MTUS1: variants seen among roughly 807,000 people sequenced by gnomAD.
MTUS1 encodes microtubule-associated tumor suppressor 1.
MTUS1 carries 109 observed loss-of-function variants against 120.8 expected under a neutral mutation model. That is an observed-to-expected ratio of 0.90 (90% CI 0.77 to 1.06). MTUS1 has a LOEUF of 1.06. Among genes scored for constraint, MTUS1 ranks in the 50% least tolerant of loss-of-function variants. The probability of loss-of-function intolerance (pLI) is 0.00; values close to 1 mark genes in which losing one functional copy is unlikely to be tolerated. For missense variants in MTUS1, 2,210 were observed against 1,486.3 expected (o/e 1.49, Z -8.01); for synonymous variants, 737 against 550.5 (o/e 1.34, Z -4.74).
intron 7 of MTUS1, among the ~76,000 whole-genome samples, chr8:17,681,354 C>G (rs878927547): frequency 6.6e-6 from 1 of 152,050 alleles, no homozygotes; most frequent in Non-Finnish European, 1.5e-5. Context: ...GGACAGCAAC[C>G]CAGTAATGAT....
At chr8:17,756,655 CAT>C (rs202049548) in intron 1 of MTUS1, among the ~76,000 whole-genome samples, 2,005 of 131,758 alleles carry the variant, frequency 0.015, 79 homozygotes, top group African/African-American at 0.053. Context: ...CTCTCCAATT[CAT>C]ATGTCAAGCC....
intron 8 of MTUS1, among the ~76,000 whole-genome samples, chr8:17,659,277 G>A (rs2130360085): frequency 6.6e-6 from 1 of 152,204 alleles, no homozygotes; most frequent in East Asian, 1.9e-4. Context: ...ACAGACAGAG[G>A]AGAAGTGGCA....
chr8:17,780,557 T>C (rs1287886256), intron 1 of MTUS1, among the ~76,000 whole-genome samples: 1 of 151,976 alleles, frequency 6.6e-6, no homozygotes, highest in Non-Finnish European at 1.5e-5. Flanking sequence ...GAGTCAGCAA[T>C]AATCTGCCTC....
chr8:17,755,152 C>T lies in MTUS1; in HGVS notation c.656G>A (p.Arg219Lys). The T allele has an allele frequency of 6.2e-7, 1 of 1,614,138 alleles. No individual in the cohort carries two copies. The highest frequency in any genetic ancestry group is 8.5e-7 in the Non-Finnish European group (1 of 1,180,032). Residue 219 changes from arginine (R) to lysine (K), a missense_variant, in exon 2 of 15, where the codon AGA becomes AAA. Coordinates refer to ENST00000693296, the MANE Select transcript of MTUS1 (RefSeq NM_001363059.2). ...TSSHSDKTHA[R>K]ETTYDRESFE... ...GCTTTCTCTATCATAAGTAGTTTCT[C>T]TTGCATGCGTCTTATCAGAATGGGA... is the stretch of plus-strand genomic sequence containing the variant.
chr8:17,720,639 G>A (rs1047816752), intron 4 of MTUS1, among the ~76,000 whole-genome samples: 1 of 152,064 alleles, frequency 6.6e-6, no homozygotes, highest in Non-Finnish European at 1.5e-5. Context: ...TGCTAACATC[G>A]CAAAGTTATA....
chr8:17,676,182 C>T, intron 7 of MTUS1: 1 of 694,008 alleles, frequency 1.4e-6, no homozygotes, highest in African/African-American at 1.7e-5. Flanking sequence ...GCAAGAGTTG[C>T]TTGTCATTCA....
In MTUS1 at chr8:17,646,146, G is replaced by T. The variant is rs765496430; in HGVS notation, c.3600-7C>A. 5 of 1,579,320 alleles carry T rather than the reference G, an allele frequency of 3.2e-6. No homozygotes were observed. The Admixed American group carries it at 5.4e-5, about 17-fold the overall frequency. ...CTGCTCCGTGGAAAGCTGCCTTGAAGAAAAAGGCCAGAAACCATGAGATCT... is the reference window on the plus strand; with the variant it reads ...CTGCTCCGTGGAAAGCTGCCTTGAATAAAAAGGCCAGAAACCATGAGATCT... On this transcript the variant is annotated splice_polypyrimidine_tract_variant and splice_region_variant and intron_variant, in intron 14 of 14. Coordinates refer to ENST00000693296, the MANE Select transcript of MTUS1 (RefSeq NM_001363059.2).
chr8:17,656,054 T>C lies in MTUS1; in HGVS notation c.2917A>G (p.Thr973Ala), dbSNP rs574301904. The stretch of plus-strand genomic sequence containing the variant: ...GCTTTTTCTAATTTCTCACAGGTGG[T>C]TGAAGCAGTGACTGAAAACAGAGGA... ...NLRGELVTAS[T>A]TCEKLEKARN... Residue 973 changes from threonine to alanine, a missense_variant, in exon 9 of 15, where the codon ACC becomes GCC. Thr to Ala is a moderately conservative substitution (Grantham distance 58, BLOSUM62 0). Coordinates refer to ENST00000693296, the MANE Select transcript of MTUS1 (RefSeq NM_001363059.2). 1.1e-5 allele frequency: 17 copies of C among 1,614,022 alleles called. No homozygotes were observed. Among genetic ancestry groups the C allele is most frequent in the African/African-American group, 9.3e-5 (7 of 74,898 alleles).
chr8:17,734,017 C>A (rs1314325330), intron 3 of MTUS1, among the ~76,000 whole-genome samples: 3 of 152,186 alleles, frequency 2.0e-5, no homozygotes, highest in Non-Finnish European at 4.4e-5. Context: ...ATTAAGCGAA[C>A]TTTGGTATTT....
intron 4 of MTUS1, 161 bp downstream of exon 4, chr8:17,723,511 G>C (rs1157697018): frequency 2.7e-6 from 2 of 733,418 alleles, no homozygotes; most frequent in Non-Finnish European, 4.8e-6. Flanking sequence ...GTTTTTCAAA[G>C]AATTTTTTTT....
chr8:17,755,777 C>A lies in MTUS1; in HGVS notation c.31G>T (p.Glu11Ter). The stretch of plus-strand genomic sequence containing the variant: ...GTAAAGAAGGTTTGCAATTCATCTT[C>A]TATTTTATCATCTGAATTATCATCA... MTDDNSDDKIEDELQTFFTSD... is the reference protein window; with the variant it reads MTDDNSDDKI Residue 11 changes from glutamate to a stop codon, truncating the protein, a stop_gained, in exon 2 of 15, where the codon GAA becomes TAA. Transcript: ENST00000693296. LOFTEE classifies it high-confidence loss of function. 1 of 1,613,706 alleles carries A rather than the reference C, an allele frequency of 6.2e-7. No homozygotes were observed. Among genetic ancestry groups the A allele is most frequent in the Non-Finnish European group, 8.5e-7 (1 of 1,179,858 alleles).
At chr8:17,687,339 C>A (rs536564452) in intron 6 of MTUS1, among the ~76,000 whole-genome samples, 1 of 152,200 alleles carries the variant, frequency 6.6e-6, no homozygotes, top group South Asian at 2.1e-4. Flanking sequence ...AGAGATGATG[C>A]AAAAATCTCC....
chr8:17,676,473 T>C lies in MTUS1; in HGVS notation c.2839-1221A>G. The C allele has an allele frequency of 7.9e-6, 5 of 629,512 alleles. No homozygotes were observed. In the South Asian group the frequency reaches 9.0e-5, roughly 11 times the overall value. The allele number at this position is 629,512 out of a possible 1,614,324, so 39.0% of individuals were successfully genotyped here. On this transcript the variant is annotated intron_variant, in intron 7 of 14. Transcript: ENST00000693296. ...ATTGGCCCTCGGGCGTCTTACTTCA[T>C]GTCCTGCAGGTTACCGTGTGCCTCG...
intron 1 of MTUS1, among the ~76,000 whole-genome samples, chr8:17,790,644 T>C (rs1246419588): frequency 6.6e-6 from 1 of 152,178 alleles, no homozygotes; most frequent in Non-Finnish European, 1.5e-5. Context: ...AATGTGAAAA[T>C]AAACCGTAAT....
At chr8:17,665,653 G>A (rs1810738123) in intron 8 of MTUS1, among the ~76,000 whole-genome samples, 1 of 152,008 alleles carries the variant, frequency 6.6e-6, no homozygotes, top group Non-Finnish European at 1.5e-5. Context: ...GAGCCACTAT[G>A]CCCGGCCCTA....
At position 17,755,701 on chromosome 8, in the gene MTUS1, G is replaced by A. The variant is rs2048560182; in HGVS notation, c.107C>T (p.Thr36Ile). The A allele has an allele frequency of 6.2e-7, 1 of 1,614,224 alleles. No homozygotes were observed. Among genetic ancestry groups the A allele is most frequent in the Non-Finnish European group, 8.5e-7 (1 of 1,180,038 alleles). ...THAYNPKSPP[T>I]QNSSASSVNW... Reference sequence around the variant, plus strand: ...CACACTGCTGGCTGAAGAGTTTTGTGTAGGTGGTGATTTCGGGTTGTATGC... The same window carrying A: ...CACACTGCTGGCTGAAGAGTTTTGTATAGGTGGTGATTTCGGGTTGTATGC... Residue 36 changes from threonine (T) to isoleucine (I), a missense_variant, in exon 2 of 15, where the codon ACA (threonine) becomes ATA (isoleucine). By Grantham distance (89) the Thr-to-Ile change is moderately conservative (BLOSUM62 -1). Transcript: ENST00000693296.
intron 1 of MTUS1, among the ~76,000 whole-genome samples, chr8:17,769,180 A>G (rs13257048): frequency 0.96 from 144,990 of 150,830 alleles, 69,953 homozygotes; most frequent in East Asian, 1. Context: ...CTGACCTGCT[A>G]AGGTTCAAGA....
At chr8:17,690,891 T>C (rs2130826401) in intron 6 of MTUS1, among the ~76,000 whole-genome samples, 1 of 152,302 alleles carries the variant, frequency 6.6e-6, no homozygotes, top group African/African-American at 2.4e-5. Context: ...ATTAGATACC[T>C]CTAAAATCAC....
chr8:17,705,674 C>G (rs951615455), intron 6 of MTUS1: 5 of 152,270 alleles, frequency 3.3e-5, no homozygotes, highest in South Asian at 2.1e-4. Context: ...CTCGGCATCA[C>G]CTCATCAGCA....
Sources: allele counts gnomAD v4.1 joint callset (sites outside exome capture counted in the v4.1 genomes callset), GRCh38; gene constraint gnomAD v4.1.1; transcripts MANE v1.5; gene names NCBI Gene and HGNC (gene_info 2026-07-23, HGNC 2026-07-21).